NTRK1: variants seen among roughly 807,000 people sequenced by gnomAD.
NTRK1 encodes neurotrophic receptor tyrosine kinase 1.
Under a neutral mutation model 86.8 loss-of-function variants are expected in NTRK1, and 62 were observed. That is an observed-to-expected ratio of 0.71 (90% CI 0.58 to 0.88). The LOEUF (loss-of-function observed/expected upper bound fraction) is 0.88. NTRK1 is among the 40% of genes least tolerant of loss of function. The pLI is 0.00. For missense variants in NTRK1, 967 were observed against 1,078.4 expected, an observed-to-expected ratio of 0.90 and a Z score of 1.45; for synonymous variants, 469 against 456.6, an observed-to-expected ratio of 1.03 and a Z score of -0.35.
chr1:156,863,827 A>C (rs748207862), intron 1 of NTRK1, among the ~76,000 whole-genome samples: 2 of 152,240 alleles, frequency 1.3e-5, no homozygotes, highest in Admixed American at 6.5e-5. Flanking sequence ...TTGTGGTAGC[A>C]AGTGTTTCAG....
At chr1:156,848,752 G>C (rs904430640) in intron 2 of NTRK1, among the ~76,000 whole-genome samples, 4 of 152,206 alleles carry the variant, frequency 2.6e-5, no homozygotes, top group African/African-American at 9.7e-5. Context: ...GCATGAAGAA[G>C]GTGAGGGAAG....
intron 2 of NTRK1, chr1:156,846,038 C>T: frequency 6.2e-7 from 1 of 1,613,924 alleles, no homozygotes; most frequent in Non-Finnish European, 8.5e-7. Context: ...GTTCCCATTG[C>T]GCTGGGTCGG....
At chr1:156,874,204 C>A (rs2102907867) in intron 8 of NTRK1, 179 bp from the exon 9 acceptor site, 1 of 1,040,514 alleles carries the variant, frequency 9.6e-7, no homozygotes, top group South Asian at 1.3e-5. Context: ...GGCATCCTGG[C>A]CCAGCTGGAA....
chr1:156,875,329 A>G (rs1647832571), intron 11 of NTRK1, among the ~76,000 whole-genome samples, 191 bp from the exon 12 acceptor site: 1 of 151,720 alleles, frequency 6.6e-6, no homozygotes, highest in African/African-American at 2.4e-5. Flanking sequence ...CCATGGGGCC[A>G]GGGGTGGGAC....
At chr1:156,846,647 G>T in intron 2 of NTRK1, 1 of 1,613,916 alleles carries the variant, frequency 6.2e-7, no homozygotes, top group Non-Finnish European at 8.5e-7. Flanking sequence ...GGAGGCTAGG[G>T]TCACCCCTGG....
chr1:156,876,614 C>G, intron 14 of NTRK1, 42 bp downstream of exon 14: 1 of 1,584,216 alleles, frequency 6.3e-7, no homozygotes, highest in African/African-American at 1.3e-5. Flanking sequence ...GCCCCTGGCT[C>G]TGGGCCCCGT....
upstream of NTRK1, among the ~76,000 whole-genome samples, chr1:156,859,704 G>T (rs752043126): frequency 6.6e-6 from 1 of 152,116 alleles, no homozygotes; most frequent in African/African-American, 2.4e-5. This position sits in a 1 kb window ranked among gnomAD's most constrained non-coding sequence, Gnocchi z 6.2. Flanking sequence ...CTGCTCGGTC[G>T]GTCTGTGTGT....
rs187936379 is a variant in NTRK1, at chr1:156,834,110, C to T, written c.-63-7971C>T. 2.8e-3 allele frequency among the ~76,000 whole-genome samples: 420 copies of T among 152,268 alleles called. 5 individuals carry two copies. The highest frequency in any genetic ancestry group is 9.7e-3 in the African/African-American group (402 of 41,544). On this transcript the variant is annotated intron_variant, in intron 1 of 16. Coordinates refer to the NTRK1 transcript ENST00000392302. ...AGTGGTTTCTGTTTTCCTAAGGGGA[C>T]GCCTAACACTCACACCATAGCTGTG...
chr1:156,816,695 A>AG, intron 1 of NTRK1: 1 of 1,601,284 alleles, frequency 6.2e-7, no homozygotes, highest in Non-Finnish European at 8.5e-7. Context: ...TATCTGGGCC[A>AG]GGGGGAACTC....
At chr1:156,841,884 ATCC>A in intron 1 of NTRK1, 1 of 1,605,470 alleles carries the variant, frequency 6.2e-7, no homozygotes, top group Admixed American at 1.7e-5. Context: ...CAATCTTCTC[ATCC>A]TCCAGAGTCA....
At chr1:156,852,275 C>T (rs1571670763) in intron 2 of NTRK1, 1 of 1,348,078 alleles carries the variant, frequency 7.4e-7, no homozygotes, top group East Asian at 2.4e-5. Context: ...CCCTGTTTCT[C>T]TTGGGATGAC....
chr1:156,833,798 C>T (rs540755459), intron 1 of NTRK1, among the ~76,000 whole-genome samples: 1 of 152,198 alleles, frequency 6.6e-6, no homozygotes, highest in African/African-American at 2.4e-5. Flanking sequence ...TGCAGGGAGA[C>T]AGGGGAGGAC....
At chr1:156,855,206 A>ATCTATCTATCTATCTG (rs1655368653) in intron 2 of NTRK1, among the ~76,000 whole-genome samples, 1 of 151,242 alleles carries the variant, frequency 6.6e-6, no homozygotes, top group South Asian at 2.1e-4. Context: ...CTATCTATCT[A>ATCTATCTATCTATCTG]TCTATTTATT....
At chr1:156,841,277 T>A in intron 1 of NTRK1, 1 of 1,089,918 alleles carries the variant, frequency 9.2e-7, no homozygotes, top group East Asian at 2.4e-5. Flanking sequence ...GTGGCGCTCA[T>A]AGCTGAGGGT....
intron 2 of NTRK1, chr1:156,846,264 G>A: frequency 1.1e-6 from 1 of 931,092 alleles, no homozygotes; most frequent in Non-Finnish European, 1.6e-6. Context: ...AGAACTCAGT[G>A]TTTTGTTTCT....
chr1:156,840,788 G>A, intron 1 of NTRK1: 1 of 1,037,750 alleles, frequency 9.6e-7, no homozygotes, highest in East Asian at 2.6e-5. Context: ...GTTGGGGTGG[G>A]GGTGAACATT....
At chr1:156,822,418 A>G (rs901848225) in intron 1 of NTRK1, among the ~76,000 whole-genome samples, 3 of 152,082 alleles carry the variant, frequency 2.0e-5, no homozygotes, top group Admixed American at 1.3e-4. Flanking sequence ...AAAAAGAGCC[A>G]GATATGGTGG....
intron 1 of NTRK1, among the ~76,000 whole-genome samples, chr1:156,822,532 A>G (rs1654215353): frequency 6.7e-6 from 1 of 150,240 alleles, no homozygotes. Context: ...ACTGCACTCC[A>G]GTCTGGATGA....
chr1:156,845,994 C>A, intron 2 of NTRK1: 2 of 1,614,000 alleles, frequency 1.2e-6, no homozygotes, highest in Non-Finnish European at 1.7e-6. Context: ...CCGTCCTCTG[C>A]CAGCCGCTGC....
Sources: gnomAD v4.1 joint callset for allele counts (sites outside exome capture counted in the v4.1 genomes callset) on GRCh38, gnomAD v4.1.1 for gene constraint, Gnocchi (gnomAD v3.1) non-coding constraint, MANE v1.5 for transcripts, NCBI Gene and HGNC (gene_info 2026-07-23, HGNC 2026-07-21) for gene names.